PLEKHA5: variants seen among roughly 807,000 people sequenced by gnomAD.
PLEKHA5 encodes the protein pleckstrin homology domain containing A5.
PLEKHA5 carries 55 observed loss-of-function variants against 181.9 expected under a neutral mutation model. That is an observed-to-expected ratio of 0.30 (90% CI 0.24 to 0.38). The LOEUF is 0.38. PLEKHA5 is among the 10% of genes least tolerant of loss of function. PLEKHA5 has a pLI of 1.00. For synonymous variants in PLEKHA5, 535 were observed against 529.4 expected, an observed-to-expected ratio of 1.01 and a Z score of -0.15; for missense variants, 1,432 against 1,549.5, an observed-to-expected ratio of 0.92 and a Z score of 1.27.
chr12:19,249,718 CAGAG>C (rs1156377036), intron 3 of PLEKHA5, among the ~76,000 whole-genome samples: 2 of 152,206 alleles, frequency 1.3e-5, no homozygotes, highest in Admixed American at 6.5e-5. Flanking sequence ...AGTTGAGACA[CAGAG>C]AGGTAAAGTA....
intron 3 of PLEKHA5, among the ~76,000 whole-genome samples, chr12:19,223,362 T>C (rs2152318256): frequency 6.6e-6 from 1 of 152,292 alleles, no homozygotes; most frequent in Admixed American, 6.5e-5. Context: ...TTAAAAAGTA[T>C]TAGAGTAAAA....
intron 12 of PLEKHA5, among the ~76,000 whole-genome samples, chr12:19,284,636 G>A (rs771160404): frequency 6.6e-5 from 10 of 152,212 alleles, no homozygotes; most frequent in Non-Finnish European, 1.3e-4. Context: ...GCATTGCTTA[G>A]TATAGATTAT....
chr12:19,273,428 T>G (rs1437380879), intron 10 of PLEKHA5, among the ~76,000 whole-genome samples: 1 of 152,118 alleles, frequency 6.6e-6, no homozygotes, highest in Non-Finnish European at 1.5e-5. Flanking sequence ...TATAGTTGAT[T>G]ACAGATATAT....
rs1345759223 is a variant in PLEKHA5 at position 19,274,602 on chromosome 12, A to G, written c.932A>G (p.Gln311Arg). The G allele has an allele frequency of 7.4e-6, 12 of 1,613,596 alleles. No individual in the cohort carries two copies. Among genetic ancestry groups the G allele is most frequent in the Non-Finnish European group, 1.0e-5 (12 of 1,179,664 alleles). Residue 311 changes from glutamine to arginine, a missense_variant, in exon 11 of 32, where the codon CAA becomes CGA. Around this residue, in one of 2 missense-constraint regions of PLEKHA5, gnomAD observed 1,143 missense variants for 1,168.4 expected, o/e 0.98. Coordinates refer to ENST00000429027, the MANE Select transcript of PLEKHA5 (RefSeq NM_001256470.2). ...NHRVLIKPEI[Q>R]NNQKNKEMSK... is the part of the protein sequence containing the mutation. Reference sequence around the variant, plus strand: ...AGAGTGCTAATTAAACCAGAGATCCAAAACAATCAAAAAAACAAGGAAATG... The same window carrying G: ...AGAGTGCTAATTAAACCAGAGATCCGAAACAATCAAAAAAACAAGGAAATG...
At chr12:19,143,960 G>A (rs547195446) in intron 3 of PLEKHA5, among the ~76,000 whole-genome samples, 108 of 152,058 alleles carry the variant, frequency 7.1e-4, no homozygotes, top group African/African-American at 2.4e-3. Context: ...TTGTAGAATT[G>A]GAATTGAGAA....
chr12:19,246,467 A>G (rs903798048), intron 3 of PLEKHA5, among the ~76,000 whole-genome samples: 1 of 151,770 alleles, frequency 6.6e-6, no homozygotes, highest in African/African-American at 2.4e-5. Flanking sequence ...TACTAAAAAT[A>G]CAAAAATTAG....
At chr12:19,213,374 C>A (rs1434389123) in intron 3 of PLEKHA5, among the ~76,000 whole-genome samples, 1 of 151,962 alleles carries the variant, frequency 6.6e-6, no homozygotes, top group Non-Finnish European at 1.5e-5. Context: ...ACAGCAAGAC[C>A]AAAAGATTAT....
Position 19,253,888 on chromosome 12 carries a change from A to G in PLEKHA5, c.228-52A>G. Reference sequence around the variant, plus strand: ...TGTAGACTAATGTTACAATAAATAAATGGGAATTTTAAATACCTGCATGTT... The same window carrying G: ...TGTAGACTAATGTTACAATAAATAAGTGGGAATTTTAAATACCTGCATGTT... On this transcript the variant is annotated intron_variant, in intron 3 of 31. Transcript: ENST00000429027. 3.0e-6 allele frequency: 3 copies of G among 1,016,560 alleles called. No individual in the cohort carries two copies. The Admixed American group carries it at 6.0e-5, about 20-fold the overall frequency. 63.0% of individuals were successfully genotyped at this position (1,016,560 alleles called of 1,614,324 possible).
chr12:19,223,437 T>G (rs1031748455), intron 3 of PLEKHA5, among the ~76,000 whole-genome samples: 1 of 152,160 alleles, frequency 6.6e-6, no homozygotes, highest in Non-Finnish European at 1.5e-5. Context: ...ACCAATACTT[T>G]AGAACACCAG....
At chr12:19,320,113 A>G in intron 17 of PLEKHA5, 57 bp downstream of exon 17, 1 of 650,566 alleles carries the variant, frequency 1.5e-6, no homozygotes, top group Non-Finnish European at 2.5e-6. Flanking sequence ...TTTTGTTAAG[A>G]TGTGTTGACA....
At chr12:19,197,146 C>T (rs1738510305) in intron 3 of PLEKHA5, among the ~76,000 whole-genome samples, 2 of 152,094 alleles carry the variant, frequency 1.3e-5, no homozygotes, top group Admixed American at 6.5e-5. Flanking sequence ...TTCCTGGCAG[C>T]GTTCAGCATC....
In PLEKHA5 at chr12:19,260,628, G is replaced by A. The variant is rs140157002; in HGVS notation, c.538-321G>A. Among the ~76,000 whole-genome samples, 410 of 152,170 alleles carry A rather than the reference G, an allele frequency of 2.7e-3. 3 individuals are homozygous for A. The highest frequency in any genetic ancestry group is 9.5e-3 in the African/African-American group (394 of 41,506). ...TCCCAGCACTTCGGAAGGCCAAGGC[G>A]GGTGGATCACCTGAGTCAGGAGTTA... On this transcript the variant is annotated intron_variant, in intron 6 of 31. Transcript: ENST00000429027.
rs772122818 is a variant in PLEKHA5 at position 19,274,490 on chromosome 12, A to T, written c.846-26A>T. The T allele has an allele frequency of 1.3e-5, 18 of 1,419,530 alleles. 1 individual carries two copies. The South Asian group carries it at 1.8e-4, about 14-fold the overall frequency. The allele number at this position is 1,419,530 out of a possible 1,614,324, so 87.9% of individuals were successfully genotyped here. A position where few individuals can be genotyped will look rare whatever the true frequency, so the allele number is the denominator to read the frequency against. ...ATATGTACATTATTTCATCTGATTTACTATGATTTTCTTCTCTGATTTCAG... is the reference window on the plus strand; with the variant it reads ...ATATGTACATTATTTCATCTGATTTTCTATGATTTTCTTCTCTGATTTCAG... On this transcript the variant is annotated intron_variant, in intron 10 of 31. Coordinates refer to ENST00000429027, the MANE Select transcript of PLEKHA5 (RefSeq NM_001256470.2).
rs751319758 is a variant in PLEKHA5 at position 19,274,540 on chromosome 12, T to C, written c.870T>C (p.Asn290=). 3 of 1,605,892 alleles carry C rather than the reference T, an allele frequency of 1.9e-6. No homozygotes were observed. Among genetic ancestry groups the C allele is most frequent in the African/African-American group, 2.7e-5 (2 of 74,378 alleles). Reference sequence around the variant, plus strand: ...GAGTGGACAAGATTACATCTGAAAATGCACCAACTAAAGAAACCAATAACA... The same window carrying C: ...GAGTGGACAAGATTACATCTGAAAACGCACCAACTAAAGAAACCAATAACA... ...NFRVDKITSE[N]APTKETNNIP... is the part of the protein sequence containing the mutation. Residue 290 remains asparagine (N), a synonymous_variant, in exon 11 of 32, where the codon AAT becomes AAC. Coordinates refer to ENST00000429027, the MANE Select transcript of PLEKHA5 (RefSeq NM_001256470.2).
intron 3 of PLEKHA5, among the ~76,000 whole-genome samples, chr12:19,204,899 G>T (rs2055061158): frequency 6.6e-6 from 1 of 152,078 alleles, no homozygotes; most frequent in Admixed American, 6.6e-5. Context: ...GTGAAATAAG[G>T]ATAGTTTATA....
At chr12:19,321,259 C>G (rs769987811) in intron 18 of PLEKHA5, among the ~76,000 whole-genome samples, 46 of 151,604 alleles carry the variant, frequency 3.0e-4, no homozygotes, top group Non-Finnish European at 6.3e-4. Context: ...TATCACTACT[C>G]CTTTTTAAAT....
At chr12:19,327,985 A>T (rs2092412512) in intron 20 of PLEKHA5, among the ~76,000 whole-genome samples, 1 of 152,148 alleles carries the variant, frequency 6.6e-6, no homozygotes, top group Non-Finnish European at 1.5e-5. Context: ...TTAAATCTTT[A>T]ATCCACCTTG....
chr12:19,144,560 A>G (rs1306594693), intron 3 of PLEKHA5, among the ~76,000 whole-genome samples: 2 of 152,236 alleles, frequency 1.3e-5, no homozygotes, highest in Non-Finnish European at 2.9e-5. Context: ...GAGGAGAGCT[A>G]CATAGGAGTG....
intron 20 of PLEKHA5, among the ~76,000 whole-genome samples, chr12:19,328,312 T>G (rs1426375586): frequency 6.6e-6 from 1 of 152,190 alleles, no homozygotes; most frequent in Admixed American, 6.5e-5. Context: ...GTTTGGACTC[T>G]TGGTTCAATA....
Sources: gnomAD v4.1 joint callset for allele counts (sites outside exome capture counted in the v4.1 genomes callset) on GRCh38, gnomAD v4.1.1 for gene constraint, gnomAD v4.1.1 regional missense constraint, MANE v1.5 for transcripts, NCBI Gene and HGNC (gene_info 2026-07-23, HGNC 2026-07-21) for gene names.